NDFIP2: variants seen among roughly 807,000 people sequenced by gnomAD.
NDFIP2 encodes Nedd4 family interacting protein 2.
Under a neutral mutation model 36.0 loss-of-function variants are expected in NDFIP2, and 19 were observed. The observed-to-expected ratio is 0.53, with a 90% CI of 0.37 to 0.77. The LOEUF (loss-of-function observed/expected upper bound fraction) is 0.77. Among genes scored for constraint, NDFIP2 ranks in the 30% least tolerant of loss-of-function variants. The probability of loss-of-function intolerance (pLI) is 0.00; values close to 1 mark genes in which losing one functional copy is unlikely to be tolerated. For synonymous variants in NDFIP2, 181 were observed against 167.7 expected, an observed-to-expected ratio of 1.08 and a Z score of -0.61; for missense variants, 446 against 435.8, an observed-to-expected ratio of 1.02 and a Z score of -0.21.
At chr13:79,547,868 A>C (rs1875746643) in intron 5 of NDFIP2, among the ~76,000 whole-genome samples, 1 of 152,154 alleles carries the variant, frequency 6.6e-6, no homozygotes, top group Non-Finnish European at 1.5e-5. Flanking sequence ...CAGAAGGTCA[A>C]AAGCTCTTCT....
At chr13:79,552,330 A>G (rs1427097939) in intron 7 of NDFIP2, among the ~76,000 whole-genome samples, 186 bp from the exon 8 acceptor site, 1 of 151,584 alleles carries the variant, frequency 6.6e-6, no homozygotes, top group South Asian at 2.1e-4. Context: ...ATACAATGCA[A>G]ATATTTTCTA....
intron 1 of NDFIP2, among the ~76,000 whole-genome samples, chr13:79,482,432 T>G (rs2079820764): frequency 6.6e-6 from 1 of 152,166 alleles, no homozygotes; most frequent in Non-Finnish European, 1.5e-5. Context: ...AAAGATGGAC[T>G]GAGCAATAGT....
At chr13:79,484,129 C>T (rs2079830003) in intron 1 of NDFIP2, among the ~76,000 whole-genome samples, 1 of 152,050 alleles carries the variant, frequency 6.6e-6, no homozygotes, top group South Asian at 2.1e-4. Flanking sequence ...GATTTTCCTG[C>T]CTCAGCCTCC....
intron 3 of NDFIP2, among the ~76,000 whole-genome samples, chr13:79,534,350 GTTTTTTTTT>G (rs532659161): frequency 1.0e-5 from 1 of 95,406 alleles, no homozygotes; most frequent in Non-Finnish European, 1.9e-5. Flanking sequence ...TTTGTCAGCT[GTTTTTTTTT>G]TTTTTTTTTT....
intron 2 of NDFIP2, among the ~76,000 whole-genome samples, chr13:79,532,993 A>C (rs998909491): frequency 6.6e-6 from 1 of 152,154 alleles, no homozygotes; most frequent in Non-Finnish European, 1.5e-5. Context: ...TTCTTTGTGC[A>C]TACTAATAAG....
At chr13:79,524,936 A>G (rs1266439137) in intron 2 of NDFIP2, among the ~76,000 whole-genome samples, 4 of 152,172 alleles carry the variant, frequency 2.6e-5, no homozygotes, top group African/African-American at 9.7e-5. Flanking sequence ...TCTTTCAGGC[A>G]TCTTCTCCCA....
At chr13:79,537,134 G>T (rs569849715) in intron 3 of NDFIP2, among the ~76,000 whole-genome samples, 1 of 151,942 alleles carries the variant, frequency 6.6e-6, no homozygotes, top group Non-Finnish European at 1.5e-5. Context: ...TTGAGGCGCA[G>T]TCTCACTCTG....
Position 79,484,568 on chromosome 13 carries a change from CTTTGT to C in NDFIP2, c.321+3056_321+3060del, listed in dbSNP as rs1488682379. 2.6e-5 allele frequency among the ~76,000 whole-genome samples: 4 copies of C among 152,138 alleles called. 1 individual carries two copies. The highest frequency in any genetic ancestry group is 4.4e-5 in the Non-Finnish European group (3 of 68,020). On this transcript the variant is annotated intron_variant, in intron 1 of 7. Transcript: ENST00000218652. The stretch of plus-strand genomic sequence containing the variant: ...TTTCTTTAACCTAGCTCTTCCTAAT[CTTTGT>C]TTTGTTTTGTTCTTTGTTTTTAAAA...
At chr13:79,534,869 A>T (rs1391232410) in intron 3 of NDFIP2, among the ~76,000 whole-genome samples, 1 of 152,154 alleles carries the variant, frequency 6.6e-6, no homozygotes, top group Non-Finnish European at 1.5e-5. Context: ...AACCCTATTT[A>T]TGCCTGCTCC....
chr13:79,507,202 A>T (rs1253846069), intron 1 of NDFIP2, among the ~76,000 whole-genome samples: 1 of 148,634 alleles, frequency 6.7e-6, no homozygotes, highest in East Asian at 2.0e-4. Context: ...ATTTAAATGG[A>T]TTCAGTGCTT....
At chr13:79,481,643 T>G in intron 1 of NDFIP2, 119 bp downstream of exon 1, 1 of 1,269,312 alleles carries the variant, frequency 7.9e-7, no homozygotes, top group South Asian at 1.4e-5. Flanking sequence ...GTGTTTTGTT[T>G]TGTTTTTTTG....
intron 2 of NDFIP2, among the ~76,000 whole-genome samples, chr13:79,531,889 C>T (rs1425320850): frequency 6.6e-6 from 1 of 152,214 alleles, no homozygotes; most frequent in African/African-American, 2.4e-5. Context: ...GGAACTTTTC[C>T]TTTGCATTCA....
At position 79,520,829 on chromosome 13, in the gene NDFIP2, A is replaced by G; in HGVS notation, c.341A>G (p.Asn114Ser). Residue 114 changes from asparagine (N) to serine (S), a missense_variant, in exon 2 of 8, where the codon AAC becomes AGC. Physicochemically the swap from Asn to Ser is conservative, Grantham distance 46. Coordinates refer to ENST00000218652, the MANE Select transcript of NDFIP2 (RefSeq NM_019080.3). ...TCTTAGCTTCTTAATGAAGAGGATA[A>G]CTCAGAATCATCGGCTATAGAGCAG... ...RYQVLLNEEDNSESSAIEQPP... is the reference protein window; with the variant it reads ...RYQVLLNEEDSSESSAIEQPP... 6.2e-7 allele frequency: 1 copy of G among 1,612,822 alleles called. No individual in the cohort carries two copies. The highest frequency in any genetic ancestry group is 2.2e-5 in the East Asian group (1 of 44,854).
chr13:79,494,433 T>G (rs60827595), intron 1 of NDFIP2, among the ~76,000 whole-genome samples: 6,541 of 152,160 alleles, frequency 0.043, 488 homozygotes, highest in African/African-American at 0.15. Context: ...AGTTGCTTAA[T>G]TTTTATTTCT....
At chr13:79,494,106 T>G (rs373215769) in intron 1 of NDFIP2, among the ~76,000 whole-genome samples, 7 of 152,154 alleles carry the variant, frequency 4.6e-5, no homozygotes, top group African/African-American at 1.7e-4. Context: ...TTAATTTTAC[T>G]TTGCTTTCTT....
Position 79,538,261 on chromosome 13 carries a change from A to G in NDFIP2, c.622-1421A>G, listed in dbSNP as rs189164553. ...TTTGGATGGGGACACAGATCGAACCATATAATTCTGTCCCTGGCCTCTCCC... is the reference window on the plus strand; with the variant it reads ...TTTGGATGGGGACACAGATCGAACCGTATAATTCTGTCCCTGGCCTCTCCC... On this transcript the variant is annotated intron_variant, in intron 3 of 7. Transcript: ENST00000218652. Among the ~76,000 whole-genome samples, 528 of 152,256 alleles carry G rather than the reference A, an allele frequency of 3.5e-3. 6 individuals are homozygous for G. The highest frequency in any genetic ancestry group is 0.012 in the African/African-American group (482 of 41,552).
intron 1 of NDFIP2, among the ~76,000 whole-genome samples, chr13:79,501,996 T>G (rs1873685602): frequency 6.6e-6 from 1 of 152,082 alleles, no homozygotes; most frequent in South Asian, 2.1e-4. Context: ...AAGCTAGAAG[T>G]TTTAGTGATT....
chr13:79,511,299 G>A (rs940595401), intron 1 of NDFIP2, among the ~76,000 whole-genome samples: 1 of 152,092 alleles, frequency 6.6e-6, no homozygotes, highest in Admixed American at 6.6e-5. Flanking sequence ...ACAGTATTTT[G>A]ATTTCCTTAG....
rs940330697 is a variant in NDFIP2, at chr13:79,481,320, C to T, written c.117C>T (p.Ala39=). 7 of 1,543,752 alleles carry T rather than the reference C, an allele frequency of 4.5e-6. No individual in the cohort carries two copies. The Admixed American group carries it at 7.9e-5, about 17-fold the overall frequency. The part of the protein sequence containing the change: ...GTATNAEVSA[A]AAGATGSEEL... Reference sequence around the variant, plus strand: ...CGACCAACGCGGAGGTCTCGGCGGCCGCTGCGGGAGCCACAGGAAGTGAAG... The same window carrying T: ...CGACCAACGCGGAGGTCTCGGCGGCTGCTGCGGGAGCCACAGGAAGTGAAG... Residue 39 remains alanine (A), a synonymous_variant, in exon 1 of 8, where the codon GCC becomes GCT. Coordinates refer to ENST00000218652, the MANE Select transcript of NDFIP2 (RefSeq NM_019080.3).
Sources: allele counts gnomAD v4.1 joint callset (sites outside exome capture counted in the v4.1 genomes callset), GRCh38; gene constraint gnomAD v4.1.1; transcripts MANE v1.5; gene names NCBI Gene and HGNC (gene_info 2026-07-23, HGNC 2026-07-21).